Variants in TRPM3 observed in about 807,000 individuals in gnomAD.
TRPM3 encodes the protein transient receptor potential cation channel subfamily M member 3.
Under a neutral mutation model 181.2 loss-of-function variants are expected in TRPM3, and 77 were observed. The observed-to-expected ratio is 0.42, with a 90% CI of 0.35 to 0.51. The LOEUF is 0.51. TRPM3 is among the 20% of genes least tolerant of loss of function. The pLI is 0.01. For synonymous variants in TRPM3, 745 were observed against 796.4 expected (o/e 0.94, Z 1.09); for missense variants, 1,759 against 2,196.7 (o/e 0.80, Z 3.98).
chr9:70,616,609 G>C (rs1015570411), intron 17 of TRPM3, among the ~76,000 whole-genome samples: 1 of 143,966 alleles, frequency 6.9e-6, no homozygotes, highest in Admixed American at 7.1e-5. Context: ...AGTTGACCTT[G>C]AGAGAATACA....
At chr9:71,150,268 C>T (rs1488273669) in intron 1 of TRPM3, among the ~76,000 whole-genome samples, 1 of 151,952 alleles carries the variant, frequency 6.6e-6, no homozygotes, top group African/African-American at 2.4e-5. Context: ...AATGAAAATA[C>T]ATAAAAGATT....
chr9:71,228,953 A>G (rs1469361887), intron 1 of TRPM3, among the ~76,000 whole-genome samples: 2 of 152,206 alleles, frequency 1.3e-5, no homozygotes, highest in African/African-American at 4.8e-5. Context: ...TCTTCACAGA[A>G]GTAGAAAAAA....
At chr9:70,670,979 G>A (rs1440784413) in intron 9 of TRPM3, among the ~76,000 whole-genome samples, 1 of 152,134 alleles carries the variant, frequency 6.6e-6, no homozygotes, top group East Asian at 1.9e-4. Flanking sequence ...AAAACCTGTT[G>A]ATCATCCATT....
chr9:70,545,548 C>CTTTCTTTTTTT (rs778185642), intron 25 of TRPM3, among the ~76,000 whole-genome samples: 1 of 113,352 alleles, frequency 8.8e-6, no homozygotes, highest in African/African-American at 3.2e-5. Flanking sequence ...AATTTTCTTT[C>CTTTCTTTTTTT]TTTTTTTTTT....
chr9:71,320,319 TAA>T (rs3041781), intron 1 of TRPM3, among the ~76,000 whole-genome samples: 38 of 141,866 alleles, frequency 2.7e-4, no homozygotes, highest in African/African-American at 8.8e-4. Flanking sequence ...CAATGTTAAT[TAA>T]AAAAAAAAAA....
chr9:70,998,172 CACAT>C (rs2097561296), intron 1 of TRPM3, among the ~76,000 whole-genome samples: 2 of 136,874 alleles, frequency 1.5e-5, no homozygotes, highest in East Asian at 2.0e-4. Flanking sequence ...TACATATATA[CACAT>C]ATATATACAT....
intron 1 of TRPM3, among the ~76,000 whole-genome samples, chr9:70,926,502 A>G (rs1367567786): frequency 6.6e-6 from 1 of 152,192 alleles, no homozygotes; most frequent in Non-Finnish European, 1.5e-5. Context: ...CATTTGAAAA[A>G]GAGGAAGATA....
At chr9:70,828,630 C>T (rs1334115296) in intron 5 of TRPM3, among the ~76,000 whole-genome samples, 1 of 151,340 alleles carries the variant, frequency 6.6e-6, no homozygotes, top group African/African-American at 2.4e-5. Flanking sequence ...CTCATTCTAC[C>T]TTTTTTGTTA....
At chr9:71,326,880 A>C (rs1164193399) in intron 1 of TRPM3, among the ~76,000 whole-genome samples, 4 of 152,212 alleles carry the variant, frequency 2.6e-5, no homozygotes, top group African/African-American at 9.6e-5. Flanking sequence ...CCCAGGCTCC[A>C]ATCTGAGAGT....
chr9:70,646,022 A>G (rs551858020), intron 9 of TRPM3, among the ~76,000 whole-genome samples: 2 of 152,378 alleles, frequency 1.3e-5, no homozygotes, highest in South Asian at 2.1e-4. Flanking sequence ...CAAAACCACA[A>G]TGAGATAACA....
At chr9:70,613,956 T>C (rs2062368524) in intron 18 of TRPM3, among the ~76,000 whole-genome samples, 1 of 152,186 alleles carries the variant, frequency 6.6e-6, no homozygotes, top group Admixed American at 6.5e-5. Context: ...ATGTCAGGAC[T>C]GTGCCACACT....
intron 1 of TRPM3, among the ~76,000 whole-genome samples, chr9:71,310,031 A>T (rs963065385): frequency 3.4e-4 from 52 of 152,130 alleles, no homozygotes; most frequent in Non-Finnish European, 1.2e-4. Context: ...CAAAAATCCT[A>T]AACTATGAAT....
intron 1 of TRPM3, among the ~76,000 whole-genome samples, chr9:71,230,658 C>T (rs993075166): frequency 3.9e-5 from 6 of 152,148 alleles, no homozygotes; most frequent in African/African-American, 2.4e-5. Context: ...TGCAGCAGAA[C>T]AATTTCTGCC....
intron 1 of TRPM3, among the ~76,000 whole-genome samples, chr9:71,344,333 C>A (rs1177788562): frequency 5.3e-5 from 8 of 152,008 alleles, no homozygotes; most frequent in Non-Finnish European, 1.0e-4. Flanking sequence ...TGCCTGTAAT[C>A]CCAGCTACTC....
chr9:71,016,234 T>C (rs1301726052), intron 1 of TRPM3, among the ~76,000 whole-genome samples: 1 of 52,336 alleles, frequency 1.9e-5, no homozygotes, highest in African/African-American at 5.9e-5. Context: ...TATACATGTG[T>C]GGTGTGTGTG....
chr9:70,588,446 G>T (rs1357329365), intron 22 of TRPM3, among the ~76,000 whole-genome samples: 1 of 151,960 alleles, frequency 6.6e-6, no homozygotes, highest in African/African-American at 2.4e-5. Context: ...ACATGAAATG[G>T]GCTTAGCAAT....
chr9:71,005,825 C>G lies in TRPM3; in HGVS notation c.177+115353G>C, dbSNP rs748447060. Among the ~76,000 whole-genome samples, 4 of 152,104 alleles carry G rather than the reference C, an allele frequency of 2.6e-5. 1 individual carries two copies. Among genetic ancestry groups the G allele is most frequent in the African/African-American group, 9.7e-5 (4 of 41,414 alleles). ...ATACAAATGGGTAACACAAAAACAT[C>G]TGAAGGAATACAACTCACTGGTAAA... On this transcript the variant is annotated intron_variant, in intron 1 of 25. Coordinates refer to ENST00000677713, the MANE Select transcript of TRPM3 (RefSeq NM_001366145.2).
chr9:71,370,412 C>A (rs1475769547), intron 1 of TRPM3, among the ~76,000 whole-genome samples: 1 of 151,824 alleles, frequency 6.6e-6, no homozygotes, highest in South Asian at 2.1e-4. Context: ...ACAGTGAACA[C>A]ACAAATAATA....
At chr9:70,948,003 TGA>T (rs1188718371) in intron 1 of TRPM3, among the ~76,000 whole-genome samples, 1 of 152,144 alleles carries the variant, frequency 6.6e-6, no homozygotes, top group East Asian at 1.9e-4. Context: ...CTGTTATTTA[TGA>T]GAGTGCACAG....
Sources: gnomAD v4.1 joint callset for allele counts (sites outside exome capture counted in the v4.1 genomes callset) on GRCh38, gnomAD v4.1.1 for gene constraint, MANE v1.5 for transcripts, NCBI Gene and HGNC (gene_info 2026-07-23, HGNC 2026-07-21) for gene names.